Variants in TBC1D5 observed in about 807,000 individuals in gnomAD.
TBC1D5 encodes the protein TBC1 domain family, member 5.
TBC1D5 carries 75 observed loss-of-function variants against 100.3 expected under a neutral mutation model. The ratio of observed to expected loss-of-function variants is 0.75; its 90% CI spans 0.62 to 0.91. The LOEUF (loss-of-function observed/expected upper bound fraction) is 0.91. TBC1D5 is among the 40% of genes least tolerant of loss of function. The pLI, the probability that TBC1D5 is intolerant of heterozygous loss-of-function variation, is 0.00. For synonymous variants in TBC1D5, 323 were observed against 325.6 expected (o/e 0.99, Z 0.09); for missense variants, 910 against 942.4 (o/e 0.97, Z 0.45).
intron 4 of TBC1D5, among the ~76,000 whole-genome samples, chr3:17,426,164 C>G (rs1376937172): frequency 6.6e-6 from 1 of 152,082 alleles, no homozygotes; most frequent in Non-Finnish European, 1.5e-5. Context: ...CTCTAATAAC[C>G]TATGTCTAGT....
intron 3 of TBC1D5, among the ~76,000 whole-genome samples, chr3:17,437,141 C>T (rs2149479870): frequency 1.3e-5 from 2 of 152,286 alleles, no homozygotes; most frequent in South Asian, 4.2e-4. Context: ...TGCCCTCTTG[C>T]CCTTCTGCTT....
At chr3:17,178,216 C>T (rs761992684) in intron 19 of TBC1D5, among the ~76,000 whole-genome samples, 8 of 152,096 alleles carry the variant, frequency 5.3e-5, no homozygotes, top group African/African-American at 9.7e-5. Flanking sequence ...CATGCGCCCA[C>T]CACCACGCCT....
At chr3:17,706,859 CT>C (rs201583617) in intron 1 of TBC1D5, among the ~76,000 whole-genome samples, 5,577 of 147,424 alleles carry the variant, frequency 0.038, 158 homozygotes, top group South Asian at 0.059. Context: ...TAAGAAAGAC[CT>C]TTTTTTTTTA....
intron 1 of TBC1D5, chr3:17,662,984 C>T (rs2066813072): frequency 2.6e-5 from 4 of 152,138 alleles, no homozygotes; most frequent in Admixed American, 2.6e-4. Flanking sequence ...ATGAACAGCA[C>T]TGTACCAGAC....
At chr3:17,495,555 G>C (rs1437566097) in intron 3 of TBC1D5, among the ~76,000 whole-genome samples, 1 of 152,152 alleles carries the variant, frequency 6.6e-6, no homozygotes, top group African/African-American at 2.4e-5. Flanking sequence ...ATCACCTTCT[G>C]CTTACTCTAC....
chr3:17,395,675 A>G (rs1242019152), intron 8 of TBC1D5, among the ~76,000 whole-genome samples: 3 of 152,178 alleles, frequency 2.0e-5, no homozygotes, highest in Non-Finnish European at 4.4e-5. Flanking sequence ...TCTATTGGTC[A>G]GCATTTCAGA....
intron 3 of TBC1D5, among the ~76,000 whole-genome samples, chr3:17,463,685 C>A (rs1295120052): frequency 6.6e-6 from 1 of 152,022 alleles, no homozygotes; most frequent in Non-Finnish European, 1.5e-5. Context: ...CCATATCAGG[C>A]CACATTGGAG....
At chr3:17,414,960 G>T (rs756661438) in intron 4 of TBC1D5, among the ~76,000 whole-genome samples, 7 of 151,990 alleles carry the variant, frequency 4.6e-5, no homozygotes, top group Non-Finnish European at 8.8e-5. Flanking sequence ...ATATGATAAG[G>T]CTCCACTGAA....
intron 2 of TBC1D5, among the ~76,000 whole-genome samples, chr3:17,597,188 T>C (rs190899357): frequency 3.7e-4 from 57 of 152,326 alleles, no homozygotes; most frequent in African/African-American, 1.3e-3. Flanking sequence ...TTGTTTGCTT[T>C]TACCCTATGA....
At chr3:17,249,861 T>C (rs1020150568) in intron 16 of TBC1D5, among the ~76,000 whole-genome samples, 10 of 152,192 alleles carry the variant, frequency 6.6e-5, no homozygotes, top group Admixed American at 3.3e-4. Flanking sequence ...TGCTGTCTTA[T>C]ATGGGTGCAG....
At chr3:17,625,405 C>T (rs1026793676) in intron 1 of TBC1D5, among the ~76,000 whole-genome samples, 6 of 151,966 alleles carry the variant, frequency 3.9e-5, no homozygotes, top group East Asian at 1.9e-4. Context: ...ATTCTTACCA[C>T]GGTTTTTTAT....
chr3:17,506,287 T>C (rs765756398), intron 3 of TBC1D5, among the ~76,000 whole-genome samples: 2 of 152,244 alleles, frequency 1.3e-5, no homozygotes, highest in African/African-American at 2.4e-5. Context: ...AGATGCTTTA[T>C]ATAAAATATT....
At chr3:17,587,505 C>T (rs1560219170) in intron 2 of TBC1D5, among the ~76,000 whole-genome samples, 1 of 151,954 alleles carries the variant, frequency 6.6e-6, no homozygotes, top group South Asian at 2.1e-4. Flanking sequence ...GTATCACATG[C>T]TACTAAAATC....
intron 2 of TBC1D5, among the ~76,000 whole-genome samples, chr3:17,558,439 G>GT (rs1186375230): frequency 6.6e-6 from 1 of 151,874 alleles, no homozygotes; most frequent in South Asian, 2.1e-4. Flanking sequence ...TATTTTAAAA[G>GT]TATCCAATAA....
intron 1 of TBC1D5, among the ~76,000 whole-genome samples, chr3:17,738,956 T>C (rs1288882834): frequency 5.3e-5 from 8 of 152,334 alleles, no homozygotes; most frequent in Middle Eastern, 3.4e-3. Flanking sequence ...TCACAGGTTT[T>C]TGAGAAAGCA....
chr3:17,411,686 T>C (rs1274320496), intron 4 of TBC1D5, among the ~76,000 whole-genome samples: 1 of 152,180 alleles, frequency 6.6e-6, no homozygotes, highest in Non-Finnish European at 1.5e-5. Context: ...CATTGCCATC[T>C]TGTCAAGTTA....
intron 9 of TBC1D5, among the ~76,000 whole-genome samples, chr3:17,377,546 T>C (rs2092758239): frequency 6.6e-6 from 1 of 152,000 alleles, no homozygotes; most frequent in Admixed American, 6.6e-5. Context: ...AGGGATGCTC[T>C]TTTATAAAAA....
chr3:17,285,556 G>A (rs1375428824), intron 15 of TBC1D5, among the ~76,000 whole-genome samples: 2 of 152,034 alleles, frequency 1.3e-5, no homozygotes, highest in Non-Finnish European at 2.9e-5. Flanking sequence ...CACCGCGCCC[G>A]GCCGGATTTT....
chr3:17,190,646 G>A (rs2069759132), intron 18 of TBC1D5, among the ~76,000 whole-genome samples: 1 of 152,160 alleles, frequency 6.6e-6, no homozygotes, highest in Non-Finnish European at 1.5e-5. Context: ...TGTGGCCACT[G>A]CCCCCAACAC....
Sources: allele counts gnomAD v4.1 joint callset (sites outside exome capture counted in the v4.1 genomes callset), GRCh38; gene constraint gnomAD v4.1.1; transcripts MANE v1.5; gene names NCBI Gene and HGNC (gene_info 2026-07-23, HGNC 2026-07-21).